Variants in AKAP12 observed in about 807,000 individuals in gnomAD.
AKAP12 encodes the protein A-kinase anchoring protein 12.
A neutral mutation model predicts 79.9 loss-of-function variants in AKAP12; 32 were observed. The observed-to-expected ratio is 0.40, with a 90% confidence interval of 0.30 to 0.54. The LOEUF (loss-of-function observed/expected upper bound fraction) is 0.54. Ranked by LOEUF, AKAP12 falls within the 20% of genes least tolerant of loss-of-function variation. AKAP12 has a pLI of 0.48. For synonymous variants in AKAP12, 808 were observed against 857.0 expected (o/e 0.94, Z 1.00); for missense variants, 2,074 against 2,177.0 (o/e 0.95, Z 0.94).
intron 2 of AKAP12, among the ~76,000 whole-genome samples, chr6:151,268,511 T>G (rs1776102504): frequency 6.6e-6 from 1 of 152,194 alleles, no homozygotes; most frequent in Admixed American, 6.5e-5. Flanking sequence ...AAAACTAGAT[T>G]TAGCATGAAT....
intron 3 of AKAP12, chr6:151,343,803 AAG>A: frequency 3.4e-6 from 1 of 295,762 alleles, no homozygotes; most frequent in South Asian, 2.7e-5. Flanking sequence ...AAAAAGAAAA[AAG>A]AAATAGTTCA....
chr6:151,281,602 T>C (rs1485854512), intron 2 of AKAP12, among the ~76,000 whole-genome samples: 1 of 152,336 alleles, frequency 6.6e-6, no homozygotes, highest in East Asian at 1.9e-4. Flanking sequence ...TTGATGATGC[T>C]ATATAGAATT....
chr6:151,304,779 A>G (rs952698501), intron 2 of AKAP12, among the ~76,000 whole-genome samples: 12 of 151,684 alleles, frequency 7.9e-5, no homozygotes, highest in African/African-American at 1.9e-4. Context: ...GGGTTTCACT[A>G]TGTTGGCCAG....
intron 2 of AKAP12, among the ~76,000 whole-genome samples, chr6:151,297,576 A>C (rs1284568246): frequency 8.0e-6 from 1 of 125,374 alleles, no homozygotes; most frequent in Non-Finnish European, 1.7e-5. Flanking sequence ...TCGTCTCAAA[A>C]AAAAAAAAAA....
intron 3 of AKAP12, among the ~76,000 whole-genome samples, chr6:151,307,812 G>A (rs9383879): frequency 0.28 from 42,527 of 151,942 alleles, 6,095 homozygotes; most frequent in Admixed American, 0.35. Context: ...CCATGGCCTC[G>A]GAGGTCTGAG....
Position 151,259,517 on chromosome 6 carries a change from C to T in AKAP12, c.162+18793C>T, listed in dbSNP as rs946955964. Among the ~76,000 whole-genome samples, 112 of 141,950 alleles carry T rather than the reference C, an allele frequency of 7.9e-4. No homozygotes were observed. In the South Asian group the frequency reaches 0.015, roughly 19 times the overall value. 93.1% of individuals were successfully genotyped at this position (141,950 alleles called of 152,430 possible). ...ATATACATGTATATATATATACACA[C>T]ACACACACACACACACACACACACA... On this transcript the variant is annotated intron_variant, in intron 2 of 4. Coordinates refer to ENST00000402676, the MANE Select transcript of AKAP12 (RefSeq NM_005100.4).
At chr6:151,272,349 A>C (rs1346614797) in intron 2 of AKAP12, among the ~76,000 whole-genome samples, 10 of 150,864 alleles carry the variant, frequency 6.6e-5, no homozygotes, top group African/African-American at 2.2e-4. Context: ...TGTTTCAAAA[A>C]AAAAAAAAAA....
At chr6:151,273,044 A>G (rs139740113) in intron 2 of AKAP12, among the ~76,000 whole-genome samples, 12,611 of 152,182 alleles carry the variant, frequency 0.083, 705 homozygotes, top group Admixed American at 0.19. Flanking sequence ...AGTAGCTGGG[A>G]CTATAGGCGC....
In AKAP12 at chr6:151,348,084, C is replaced by T. The variant is rs368301491; in HGVS notation, c.320-627C>T. 1.7e-3 allele frequency among the ~76,000 whole-genome samples: 253 copies of T among 151,788 alleles called. 1 individual carries two copies. The highest frequency in any genetic ancestry group is 5.3e-3 in the African/African-American group (219 of 41,376). ...AGGAGAATGGCGTGAACCCAGGAGG[C>T]GGAGCTTGCAGTGAGCCACGATCGT... On this transcript the variant is annotated intron_variant, in intron 3 of 4. Transcript: ENST00000402676.
chr6:151,292,587 C>T (rs972707004), intron 2 of AKAP12, among the ~76,000 whole-genome samples: 35 of 152,122 alleles, frequency 2.3e-4, no homozygotes, highest in Middle Eastern at 3.2e-3. Flanking sequence ...TAGTTTTTGC[C>T]GGATGAGGAA....
Position 151,349,132 on chromosome 6 carries a change from A to G in AKAP12, c.741A>G (p.Gln247=), listed in dbSNP as rs780349640. The G allele has an allele frequency of 1.2e-6, 2 of 1,613,774 alleles. No homozygotes were observed. The highest frequency in any genetic ancestry group is 2.7e-5 in the African/African-American group (2 of 74,896). ...CCGAAGAGACCCTGAAGCGTGAGCA[A>G]AGCCACGCAGAAATTTCTCCCCCAG... ...EKPEETLKRE[Q]SHAEISPPAE... Residue 247 remains glutamine, a synonymous_variant, in exon 4 of 5, where the codon CAA becomes CAG. Coordinates refer to ENST00000402676, the MANE Select transcript of AKAP12 (RefSeq NM_005100.4).
At position 151,351,069 on chromosome 6, in the gene AKAP12, C is replaced by A. The variant is rs781458094; in HGVS notation, c.2678C>A (p.Ala893Glu). The stretch of plus-strand genomic sequence containing the variant: ...AGCGAGAGTCAGGTTCATATGATGG[C>A]AGCAGCTGTCGCTGACGGGACGAGG... ...ELSESQVHMMAAAVADGTRAA... is the reference protein window; with the variant it reads ...ELSESQVHMMEAAVADGTRAA... The change falls in exon 4 of 5, where the codon GCA becomes GAA. Residue 893 changes from alanine to glutamate, a missense_variant. Ala to Glu is a moderately radical substitution (Grantham distance 107). Around this residue, in one of 3 missense-constraint regions of AKAP12, gnomAD observed 1,428 missense variants for 1,451.0 expected, o/e 0.98. Transcript: ENST00000402676. The surrounding 1 kb of genome is among the most constrained non-coding windows in gnomAD (Gnocchi z 4.4). The A allele has an allele frequency of 6.2e-7, 1 of 1,614,146 alleles. No homozygotes were observed. Among genetic ancestry groups the A allele is most frequent in the Non-Finnish European group, 8.5e-7 (1 of 1,180,020 alleles).
intron 4 of AKAP12, among the ~76,000 whole-genome samples, chr6:151,354,704 C>T (rs1231059466): frequency 6.6e-6 from 1 of 151,820 alleles, no homozygotes; most frequent in Non-Finnish European, 1.5e-5. Context: ...GAGAGCCTTG[C>T]TGTGTCACCC....
At chr6:151,321,217 C>T (rs1283499881) in intron 3 of AKAP12, among the ~76,000 whole-genome samples, 7 of 152,084 alleles carry the variant, frequency 4.6e-5, no homozygotes, top group Non-Finnish European at 7.4e-5. Flanking sequence ...GAACTCCTGA[C>T]CTCAAGTGAT....
At chr6:151,345,185 C>T (rs538739656) in intron 3 of AKAP12, among the ~76,000 whole-genome samples, 2 of 152,074 alleles carry the variant, frequency 1.3e-5, no homozygotes, top group South Asian at 4.2e-4. Flanking sequence ...ACACCATTCT[C>T]CTTCCTCAGT....
At chr6:151,283,118 G>A (rs186451877) in intron 2 of AKAP12, among the ~76,000 whole-genome samples, 3 of 152,218 alleles carry the variant, frequency 2.0e-5, no homozygotes, top group Admixed American at 6.5e-5. Flanking sequence ...ATTTAATGAC[G>A]GTGAGGAGGC....
chr6:151,350,755 T>G lies in AKAP12; in HGVS notation c.2364T>G (p.Gly788=). The part of the protein sequence containing the change: ...EKSEDSIAGS[G]VEHSTPDTEP... The stretch of plus-strand genomic sequence containing the variant: ...GCGAAGACTCCATAGCTGGGTCTGG[T>G]GTAGAACATTCCACTCCAGACACTG... The change falls in exon 4 of 5, where the codon GGT becomes GGG. Residue 788 remains glycine (G), a synonymous_variant. Transcript: ENST00000402676. The surrounding 1 kb of genome is among the most constrained non-coding windows in gnomAD (Gnocchi z 4.8). 2 of 1,613,924 alleles carry G rather than the reference T, an allele frequency of 1.2e-6. No homozygotes were observed.
At chr6:151,303,720 G>A (rs1214996976) in intron 2 of AKAP12, among the ~76,000 whole-genome samples, 3 of 152,174 alleles carry the variant, frequency 2.0e-5, no homozygotes, top group Non-Finnish European at 4.4e-5. Context: ...TTCCAGACCT[G>A]GAATACCCTT....
At chr6:151,348,681 C>CGGG in intron 3 of AKAP12, 30 bp from the exon 4 acceptor site, 1 of 218,350 alleles carries the variant, frequency 4.6e-6, no homozygotes, top group Non-Finnish European at 9.1e-6. Flanking sequence ...TTTCTCTTCT[C>CGGG]CCCACCCCCC....
Sources: allele counts gnomAD v4.1 joint callset (sites outside exome capture counted in the v4.1 genomes callset), GRCh38; gene constraint gnomAD v4.1.1; regional missense constraint gnomAD v4.1.1; non-coding constraint Gnocchi (gnomAD v3.1); transcripts MANE v1.5; gene names NCBI Gene and HGNC (gene_info 2026-07-23, HGNC 2026-07-21).